The following CHCHD7 variants were observed in gnomAD, a reference collection of about 807,000 sequenced individuals.
CHCHD7 encodes coiled-coil-helix-coiled-coil-helix domain-containing protein 7.
CHCHD7 carries 7 observed loss-of-function variants against 10.5 expected under a neutral mutation model. The ratio of observed to expected loss-of-function variants is 0.67; its 90% CI spans 0.38 to 1.25. The LOEUF (loss-of-function observed/expected upper bound fraction) is 1.25. Ranked by LOEUF, CHCHD7 falls within the 50% of genes most tolerant of loss-of-function variation. CHCHD7 has a pLI of 0.02. For missense variants in CHCHD7, 100 were observed against 104.5 expected (o/e 0.96, Z 0.19); for synonymous variants, 40 against 36.0 (o/e 1.11, Z -0.40).
At chr8:56,215,960 G>A (rs1024370142) in intron 2 of CHCHD7, among the ~76,000 whole-genome samples, 3 of 152,182 alleles carry the variant, frequency 2.0e-5, no homozygotes, top group African/African-American at 7.2e-5. Flanking sequence ...GTTAATTTAG[G>A]TTGTCTTGTT....
At chr8:56,216,573 T>A in intron 3 of CHCHD7, 42 bp downstream of exon 3, 1 of 1,610,250 alleles carries the variant, frequency 6.2e-7, no homozygotes, top group Non-Finnish European at 8.5e-7. Context: ...ACCCATCTCC[T>A]AGGGTTGAAA....
chr8:56,217,900 G>A lies in CHCHD7; in HGVS notation c.*465G>A. 4.3e-6 allele frequency: 1 copy of A among 232,476 alleles called. No homozygotes were observed. Among genetic ancestry groups the A allele is most frequent in the East Asian group, 6.1e-5 (1 of 16,394 alleles). The allele number at this position is 232,476 out of a possible 1,614,324, so 14.4% of individuals were successfully genotyped here. A position where few individuals can be genotyped will look rare whatever the true frequency, so the allele number is the denominator to read the frequency against. On this transcript the variant is annotated 3_prime_UTR_variant, in exon 4 of 4. Transcript: ENST00000355315. ...GTGGAGCAGTGGTGGGAGAAGACTG[G>A]AAAGGTAAGTTGAAGGTAAGGAATG...
At chr8:56,212,823 T>C in intron 1 of CHCHD7, 1 of 1,539,662 alleles carries the variant, frequency 6.5e-7, no homozygotes, top group Non-Finnish European at 9.0e-7. Flanking sequence ...TAGAGTGCCT[T>C]GTATTTAGAA....
intron 2 of CHCHD7, among the ~76,000 whole-genome samples, chr8:56,215,783 G>A (rs1813314005): frequency 6.6e-6 from 1 of 152,152 alleles, no homozygotes; most frequent in Non-Finnish European, 1.5e-5. Context: ...TCTACTTCCA[G>A]TTCACACAGC....
At chr8:56,214,499 G>A in intron 1 of CHCHD7, 99 bp from the exon 2 acceptor site, 1 of 799,774 alleles carries the variant, frequency 1.3e-6, no homozygotes, top group Non-Finnish European at 2.0e-6. Context: ...TGATCATTAT[G>A]CCAAAATCAA....
chr8:56,213,781 T>C (rs1813175472), intron 1 of CHCHD7: 1 of 152,258 alleles, frequency 6.6e-6, no homozygotes, highest in African/African-American at 2.4e-5. Context: ...TTTCAACTCT[T>C]TTGTTTTTGA....
At chr8:56,211,972 G>A (rs974963450) in intron 1 of CHCHD7, 135 bp downstream of exon 1, 1 of 152,744 alleles carries the variant, frequency 6.5e-6, no homozygotes, top group Non-Finnish European at 1.5e-5. Context: ...CCGCAGCGCG[G>A]ACCTCTTCCC....
chr8:56,212,980 CTTAAA>C (rs1250570530), intron 1 of CHCHD7: 2 of 943,918 alleles, frequency 2.1e-6, no homozygotes, highest in Non-Finnish European at 3.4e-6. Context: ...AGGCACGAAA[CTTAAA>C]TTTAATGCAA....
At chr8:56,215,813 G>A (rs1056998981) in intron 2 of CHCHD7, among the ~76,000 whole-genome samples, 15 of 152,088 alleles carry the variant, frequency 9.9e-5, no homozygotes, top group South Asian at 6.2e-4. Flanking sequence ...ATCCCCATGT[G>A]GCACCTACTT....
chr8:56,217,040 T>C (rs1813390034), intron 3 of CHCHD7: 2 of 429,076 alleles, frequency 4.7e-6, no homozygotes, highest in Admixed American at 8.0e-5. Context: ...GATTATTCAG[T>C]AGCTCTTCTT....
chr8:56,213,625 C>T (rs1367239988), intron 1 of CHCHD7: 4 of 152,294 alleles, frequency 2.6e-5, no homozygotes, highest in Non-Finnish European at 5.9e-5. Context: ...CTCCTGACCT[C>T]GTGATCCGCC....
chr8:56,212,894 A>G (rs1358405808), intron 1 of CHCHD7: 1 of 1,598,960 alleles, frequency 6.3e-7, no homozygotes. Context: ...AACTGGGTAT[A>G]TGTGATGTTA....
At chr8:56,212,624 C>G (rs890189299) in intron 1 of CHCHD7, 8 of 447,518 alleles carry the variant, frequency 1.8e-5, no homozygotes, top group Admixed American at 7.9e-5. Context: ...TCTGGTTATG[C>G]TCTGCAAGTA....
chr8:56,218,132 C>G lies in CHCHD7; in HGVS notation c.*697C>G, dbSNP rs149671425. ...AAATCCTTAAATATTGGGTTGCCTT[C>G]TGCAGCTGTAGTATCAGTTTTTGAA... On this transcript the variant is annotated 3_prime_UTR_variant, in exon 4 of 4. Coordinates refer to ENST00000355315, the MANE Select transcript of CHCHD7 (RefSeq NM_001011671.3). 7.8e-3 allele frequency: 1,768 copies of G among 228,082 alleles called. 9 individuals are homozygous for G. The highest frequency in any genetic ancestry group is 0.012 in the Non-Finnish European group (1,370 of 114,902). 14.1% of individuals were successfully genotyped at this position (228,082 alleles called of 1,614,324 possible). A position where few individuals can be genotyped will look rare whatever the true frequency, so the allele number is the denominator to read the frequency against.
rs1813238177 is a variant in CHCHD7, at chr8:56,214,679, T to C, written c.54+12T>C. ...ATCCTTGTTTGTCGGTAGGATGGTT[T>C]GCTTTAATTTTCATGAGTGTTAAGT... On this transcript the variant is annotated intron_variant, in intron 2 of 3. Coordinates refer to ENST00000355315, the MANE Select transcript of CHCHD7 (RefSeq NM_001011671.3). 6.2e-7 allele frequency: 1 copy of C among 1,611,258 alleles called. No homozygotes were observed. The highest frequency in any genetic ancestry group is 8.5e-7 in the Non-Finnish European group (1 of 1,177,692).
intron 1 of CHCHD7, chr8:56,212,390 G>T (rs1813050947): frequency 6.5e-6 from 1 of 154,308 alleles, no homozygotes; most frequent in African/African-American, 2.4e-5. Context: ...CGCGGACCCT[G>T]CCTGGGCTCC....
rs979083600 is a variant in CHCHD7 at position 56,218,291 on chromosome 8, T to C, written c.*856T>C. 7 of 229,434 alleles carry C rather than the reference T, an allele frequency of 3.1e-5. No individual in the cohort carries two copies. The highest frequency in any genetic ancestry group is 5.2e-5 in the Non-Finnish European group (6 of 115,764). The allele number at this position is 229,434 out of a possible 1,614,324, so 14.2% of individuals were successfully genotyped here. On this transcript the variant is annotated 3_prime_UTR_variant, in exon 4 of 4. Transcript: ENST00000355315. ...CTGGGATGAGACTAGAACTTCACTT[T>C]ATGATATAAACACAATACGATTATT...
At position 56,218,746 on chromosome 8, in the gene CHCHD7, T is replaced by C. The variant is rs1332872379; in HGVS notation, c.*1311T>C. ...CACACTTGTTAAAGGGCTTGGAATTTTAATGTCACTCCTTTGAAGGTACAT... is the reference window on the plus strand; with the variant it reads ...CACACTTGTTAAAGGGCTTGGAATTCTAATGTCACTCCTTTGAAGGTACAT... On this transcript the variant is annotated 3_prime_UTR_variant, in exon 4 of 4. Transcript: ENST00000355315. 2 of 194,780 alleles carry C rather than the reference T, an allele frequency of 1.0e-5. No individual in the cohort carries two copies. Among genetic ancestry groups the C allele is most frequent in the Admixed American group, 6.1e-5 (1 of 16,434 alleles). 12.1% of individuals were successfully genotyped at this position (194,780 alleles called of 1,614,324 possible).
At chr8:56,214,312 C>G (rs1813208555) in intron 1 of CHCHD7, 1 of 215,274 alleles carries the variant, frequency 4.6e-6, no homozygotes, top group South Asian at 1.3e-4. Context: ...CTTAAGCAGC[C>G]CTCTCGCTCC....
Sources: allele counts gnomAD v4.1 joint callset (sites outside exome capture counted in the v4.1 genomes callset), GRCh38; gene constraint gnomAD v4.1.1; transcripts MANE v1.5; gene names NCBI Gene and HGNC (gene_info 2026-07-23, HGNC 2026-07-21).